Variants in IQGAP2 observed in about 807,000 individuals in gnomAD.
IQGAP2 encodes the protein IQ motif containing GTPase activating protein 2.
IQGAP2 carries 173 observed loss-of-function variants against 201.3 expected under a neutral mutation model. The ratio of observed to expected loss-of-function variants is 0.86; its 90% CI spans 0.76 to 0.98. The LOEUF (loss-of-function observed/expected upper bound fraction) is 0.98, where lower values mean the gene tolerates loss of function less well. IQGAP2 is among the 50% of genes least tolerant of loss of function. The probability of loss-of-function intolerance (pLI) is 0.00; values close to 1 mark genes in which losing one functional copy is unlikely to be tolerated. For missense variants in IQGAP2, 1,687 were observed against 1,864.8 expected (o/e 0.90, Z 1.76); for synonymous variants, 675 against 673.9 (o/e 1.00, Z -0.03).
chr5:76,559,445 C>T (rs554774497), intron 2 of IQGAP2, among the ~76,000 whole-genome samples: 1 of 152,318 alleles, frequency 6.6e-6, no homozygotes, highest in East Asian at 1.9e-4. Flanking sequence ...CTCCCTGCTT[C>T]TTGTGGCTAC....
chr5:76,484,852 G>T (rs953748709), intron 2 of IQGAP2, among the ~76,000 whole-genome samples: 1 of 151,396 alleles, frequency 6.6e-6, no homozygotes, highest in Non-Finnish European at 1.5e-5. Context: ...TTGTTGTTGA[G>T]ACGGGGTCTC....
intron 2 of IQGAP2, among the ~76,000 whole-genome samples, chr5:76,553,367 A>G (rs12519329): frequency 0.065 from 9,865 of 152,304 alleles, 752 homozygotes; most frequent in East Asian, 0.43. Context: ...AGGGCACTGC[A>G]TTAAAACAGG....
intron 2 of IQGAP2, among the ~76,000 whole-genome samples, chr5:76,502,234 C>T (rs1757319612): frequency 6.6e-6 from 1 of 152,076 alleles, no homozygotes; most frequent in African/African-American, 2.4e-5. Flanking sequence ...GCACATTCTG[C>T]GAACTCAAAG....
At chr5:76,452,833 C>T (rs771491403) in intron 1 of IQGAP2, among the ~76,000 whole-genome samples, 1 of 151,786 alleles carries the variant, frequency 6.6e-6, no homozygotes, top group Non-Finnish European at 1.5e-5. Context: ...TTAGAATTAC[C>T]AAAGACTAAA....
chr5:76,411,273 G>A (rs755370871), intron 1 of IQGAP2, among the ~76,000 whole-genome samples: 1 of 152,222 alleles, frequency 6.6e-6, no homozygotes, highest in Non-Finnish European at 1.5e-5. Context: ...GTTATGGAAC[G>A]CTTTATTTAC....
chr5:76,442,168 T>C (rs1381567284), intron 1 of IQGAP2, among the ~76,000 whole-genome samples: 2 of 152,182 alleles, frequency 1.3e-5, no homozygotes, highest in African/African-American at 4.8e-5. Context: ...AAGGGAGCTA[T>C]AAAAGGGTAT....
At chr5:76,574,963 T>C (rs1044199177) in intron 4 of IQGAP2, among the ~76,000 whole-genome samples, 2 of 152,276 alleles carry the variant, frequency 1.3e-5, no homozygotes, top group Non-Finnish European at 2.9e-5. Flanking sequence ...TATAGTATAA[T>C]GAAGGGGATG....
intron 2 of IQGAP2, among the ~76,000 whole-genome samples, chr5:76,554,774 T>A (rs1743822357): frequency 6.6e-6 from 1 of 152,084 alleles, no homozygotes. Flanking sequence ...AAACATAGAG[T>A]TACCATATGA....
chr5:76,600,797 T>C lies in IQGAP2; in HGVS notation c.1072-15T>C, dbSNP rs376832526. ...GTTGTGTGGGGAGCTTATGTTGCCA[T>C]ATGTTTTCCAACAGAACTACTTGGC... On this transcript the variant is annotated splice_polypyrimidine_tract_variant and intron_variant, in intron 10 of 35. Coordinates refer to ENST00000274364, the MANE Select transcript of IQGAP2 (RefSeq NM_006633.5). 269 of 1,613,562 alleles carry C rather than the reference T, an allele frequency of 1.7e-4. No homozygotes were observed. The highest frequency in any genetic ancestry group is 9.9e-4 in the Middle Eastern group (6 of 6,078).
chr5:76,587,317 T>A lies in IQGAP2; in HGVS notation c.459-1589T>A, dbSNP rs12110166. 5.4e-3 allele frequency among the ~76,000 whole-genome samples: 825 copies of A among 152,328 alleles called. 9 individuals carry two copies. The highest frequency in any genetic ancestry group is 0.018 in the African/African-American group (767 of 41,570). On this transcript the variant is annotated intron_variant, in intron 5 of 35. Transcript: ENST00000274364. ...GTGTACCCTTTCAAGCTGGCAATTTTGTTTTCATGGCTTTATTGTAACAAA... is the reference window on the plus strand; with the variant it reads ...GTGTACCCTTTCAAGCTGGCAATTTAGTTTTCATGGCTTTATTGTAACAAA...
chr5:76,623,094 C>T (rs1210684114), intron 13 of IQGAP2: 4 of 1,414,072 alleles, frequency 2.8e-6, no homozygotes, highest in Non-Finnish European at 4.0e-6. Context: ...TGCAAAGAAA[C>T]CTAGGTTCAG....
intron 1 of IQGAP2, among the ~76,000 whole-genome samples, chr5:76,449,856 C>T (rs1288262285): frequency 6.6e-6 from 1 of 152,158 alleles, no homozygotes; most frequent in Non-Finnish European, 1.5e-5. Context: ...GATCCAGTTC[C>T]CAGCCAAGAA....
At position 76,590,470 on chromosome 5, in the gene IQGAP2, G is replaced by T; in HGVS notation, c.703G>T (p.Val235Leu). The change falls in exon 8 of 36, where the codon GTA becomes TTA. Residue 235 changes from valine (V) to leucine (L), a missense_variant. Val to Leu is a conservative substitution (Grantham distance 32, BLOSUM62 1). Coordinates refer to ENST00000274364, the MANE Select transcript of IQGAP2 (RefSeq NM_006633.5). ...VEKGIAEQTV[V>L]TLRNPNAVLT... ...AAAAGGAATAGCAGAGCAAACCGTT[G>T]TAACACTAAGAAACCCAAATGCGGT... The T allele has an allele frequency of 6.2e-7, 1 of 1,613,904 alleles. No individual in the cohort carries two copies.
intron 2 of IQGAP2, among the ~76,000 whole-genome samples, chr5:76,478,038 G>C (rs1374867619): frequency 1.3e-5 from 2 of 152,110 alleles, no homozygotes; most frequent in Non-Finnish European, 2.9e-5. Context: ...AGTAAGCTAG[G>C]GTTAATTTAT....
intron 1 of IQGAP2, among the ~76,000 whole-genome samples, chr5:76,418,780 T>G (rs1217130192): frequency 1.3e-5 from 2 of 152,180 alleles, no homozygotes; most frequent in Non-Finnish European, 2.9e-5. Flanking sequence ...AGAGATCCTC[T>G]CTTTATAAAG....
intron 2 of IQGAP2, among the ~76,000 whole-genome samples, chr5:76,508,004 C>CAAAA (rs35283673): frequency 4.7e-5 from 3 of 63,328 alleles, no homozygotes; most frequent in Admixed American, 2.2e-4. Flanking sequence ...GACTCCTTCT[C>CAAAA]AAAAAAAAAA....
At chr5:76,423,449 C>T (rs1431610426) in intron 1 of IQGAP2, among the ~76,000 whole-genome samples, 2 of 152,104 alleles carry the variant, frequency 1.3e-5, no homozygotes, top group Admixed American at 6.5e-5. Context: ...GGTGAAACCC[C>T]GTTTCTACTA....
At chr5:76,512,967 A>C (rs2150184534) in intron 2 of IQGAP2, among the ~76,000 whole-genome samples, 1 of 152,240 alleles carries the variant, frequency 6.6e-6, no homozygotes, top group Non-Finnish European at 1.5e-5. Flanking sequence ...AGGCAGGAGA[A>C]TCGCTTGAAC....
At chr5:76,575,960 G>A (rs558663335) in intron 5 of IQGAP2, among the ~76,000 whole-genome samples, 191 bp downstream of exon 5, 1 of 152,202 alleles carries the variant, frequency 6.6e-6, no homozygotes, top group Admixed American at 6.5e-5. Context: ...CTTGAAAAAT[G>A]TTTTTCTGAT....
Sources: gnomAD v4.1 joint callset for allele counts (sites outside exome capture counted in the v4.1 genomes callset) on GRCh38, gnomAD v4.1.1 for gene constraint, MANE v1.5 for transcripts, NCBI Gene and HGNC (gene_info 2026-07-23, HGNC 2026-07-21) for gene names.